The following ATXN2 variants were observed in gnomAD, a reference collection of about 807,000 sequenced individuals.
ATXN2 encodes ataxin-2.
ATXN2 carries 37 observed loss-of-function variants against 138.6 expected under a neutral mutation model. The observed-to-expected ratio is 0.27, with a 90% confidence interval of 0.21 to 0.35. The LOEUF is 0.35. Among genes scored for constraint, ATXN2 ranks in the 10% least tolerant of loss-of-function variants. ATXN2 has a pLI of 1.00. For synonymous variants in ATXN2, 549 were observed against 543.7 expected (o/e 1.01, Z -0.13); for missense variants, 1,216 against 1,480.3 (o/e 0.82, Z 2.93).
rs1464407125 is a variant in ATXN2 at position 111,525,052 on chromosome 12, C to A, written c.696+140G>T. On this transcript the variant is annotated intron_variant, in intron 6 of 24. Transcript: ENST00000673436. ...CTTTATATATTGCTTGGGAGAAAGT[C>A]TCTAGTTATACAACAAACCTGCTGC... The A allele has an allele frequency of 8.2e-6, 9 of 1,092,348 alleles. No individual in the cohort carries two copies. In the East Asian group the frequency reaches 2.4e-4, roughly 29 times the overall value. 67.7% of individuals were successfully genotyped at this position (1,092,348 alleles called of 1,614,324 possible).
chr12:111,555,790 G>A, intron 2 of ATXN2, 93 bp downstream of exon 2: 4 of 1,070,554 alleles, frequency 3.7e-6, no homozygotes, highest in Non-Finnish European at 5.5e-6. Context: ...AAATTCAAAA[G>A]AAGGGAATCT....
intron 1 of ATXN2, among the ~76,000 whole-genome samples, chr12:111,569,951 G>A (rs1335866752): frequency 1.3e-5 from 2 of 152,150 alleles, no homozygotes; most frequent in Middle Eastern, 3.2e-3. Context: ...CCTATGTCAT[G>A]CTGTCCAATA....
intron 1 of ATXN2, among the ~76,000 whole-genome samples, chr12:111,567,509 A>AG (rs1883078655): frequency 6.7e-6 from 1 of 148,874 alleles, no homozygotes; most frequent in East Asian, 2.0e-4. Context: ...CAAAAAAAAA[A>AG]AAGAACGTTC....
chr12:111,539,197 G>A (rs1881355180), intron 5 of ATXN2, among the ~76,000 whole-genome samples: 1 of 150,136 alleles, frequency 6.7e-6, no homozygotes, highest in Non-Finnish European at 1.5e-5. Flanking sequence ...TATGAAATTA[G>A]CCTAGGCCTG....
At chr12:111,519,180 T>A (rs1880022052) in intron 8 of ATXN2, among the ~76,000 whole-genome samples, 1 of 152,226 alleles carries the variant, frequency 6.6e-6, no homozygotes, top group Admixed American at 6.5e-5. Context: ...GTGCACTAAC[T>A]GTTCTCTGTG....
chr12:111,500,453 G>A (rs1333254331), intron 14 of ATXN2, among the ~76,000 whole-genome samples: 4 of 152,188 alleles, frequency 2.6e-5, no homozygotes, highest in Non-Finnish European at 5.9e-5. Context: ...GTTACCAGAA[G>A]TTGGGAAGGG....
chr12:111,453,101 A>C lies in ATXN2; in HGVS notation c.3440-261T>G. On this transcript the variant is annotated intron_variant, in intron 24 of 24. Transcript: ENST00000673436. The surrounding 1 kb of genome is among the most constrained non-coding windows in gnomAD (Gnocchi z 5.4). ...GGGGTAGAAAAAAAGGCCTTAACAA[A>C]CCCCCTCCCCAAATATTAGCCAAGC... 1.6e-6 allele frequency: 2 copies of C among 1,247,234 alleles called. No homozygotes were observed. The highest frequency in any genetic ancestry group is 2.0e-6 in the Non-Finnish European group (2 of 995,290). 77.3% of individuals were successfully genotyped at this position (1,247,234 alleles called of 1,614,324 possible).
intron 18 of ATXN2, among the ~76,000 whole-genome samples, chr12:111,474,285 A>T (rs1876635185): frequency 1.3e-5 from 2 of 152,072 alleles, no homozygotes; most frequent in African/African-American, 4.8e-5. Context: ...AGCACCTCCT[A>T]AAGTGCTGGC....
chr12:111,495,021 A>G (rs1878319980), intron 14 of ATXN2, among the ~76,000 whole-genome samples: 1 of 152,116 alleles, frequency 6.6e-6, no homozygotes, highest in Non-Finnish European at 1.5e-5. Flanking sequence ...GATTTAAAAA[A>G]AAGGCTGGGT....
At chr12:111,571,610 G>T (rs7972340) in intron 1 of ATXN2, among the ~76,000 whole-genome samples, 2 of 152,022 alleles carry the variant, frequency 1.3e-5, no homozygotes, top group African/African-American at 4.8e-5. Flanking sequence ...TCATATTTTT[G>T]AAGAGTTAAT....
chr12:111,483,129 T>C (rs555353393), intron 18 of ATXN2, among the ~76,000 whole-genome samples: 4 of 150,178 alleles, frequency 2.7e-5, no homozygotes, highest in Admixed American at 2.0e-4. Flanking sequence ...CAAGGCTGCA[T>C]TGAGCCATGA....
At chr12:111,562,140 A>C (rs1882726505) in intron 1 of ATXN2, among the ~76,000 whole-genome samples, 1 of 151,360 alleles carries the variant, frequency 6.6e-6, no homozygotes, top group Admixed American at 6.6e-5. Context: ...AAAAAAAAAG[A>C]AAATATGCAC....
intron 5 of ATXN2, among the ~76,000 whole-genome samples, chr12:111,548,495 TTAA>T (rs768004265): frequency 1.3e-5 from 2 of 152,204 alleles, no homozygotes; most frequent in Non-Finnish European, 2.9e-5. Context: ...ATTATCAACC[TTAA>T]TAATTTGACA....
chr12:111,488,699 T>C lies in ATXN2; in HGVS notation c.2017A>G (p.Lys673Glu). 1.2e-6 allele frequency: 2 copies of C among 1,612,440 alleles called. No homozygotes were observed. The highest frequency in any genetic ancestry group is 2.2e-5 in the South Asian group (2 of 90,890). ...TTAGCACTTGGTTCAATTTTGTCTT[T>C]GATCAAATCTCTTGATTTTTCTCCC... ...REGEKSRDLI[K>E]DKIEPSAKDS... The change falls in exon 15 of 25, where the codon AAA becomes GAA. Residue 673 changes from lysine to glutamate, a missense_variant. Around this residue, in one of 4 missense-constraint regions of ATXN2, gnomAD observed 490 missense variants for 653.5 expected, o/e 0.75. Coordinates refer to ENST00000673436, the MANE Select transcript of ATXN2 (RefSeq NM_001372574.1).
rs541962485 is a variant in ATXN2 at position 111,593,445 on chromosome 12, T to C, written c.251+5339A>G. Reference sequence around the variant, plus strand: ...ATATGGCTATTAAATAGCTACAATATGAGTTAACATCCCTTATGTAGAAGT... The same window carrying C: ...ATATGGCTATTAAATAGCTACAATACGAGTTAACATCCCTTATGTAGAAGT... On this transcript the variant is annotated intron_variant, in intron 1 of 24. Transcript: ENST00000673436. 9.1e-4 allele frequency among the ~76,000 whole-genome samples: 139 copies of C among 152,198 alleles called. 1 individual carries two copies. Among genetic ancestry groups the C allele is most frequent in the Non-Finnish European group, 1.8e-3 (123 of 68,010 alleles).
chr12:111,570,884 G>A (rs571121532), intron 1 of ATXN2, among the ~76,000 whole-genome samples: 124 of 152,278 alleles, frequency 8.1e-4, no homozygotes, highest in African/African-American at 2.9e-3. Context: ...TTAATGAAAC[G>A]CTAAACTGTA....
chr12:111,535,868 C>A (rs1393066150), intron 5 of ATXN2, among the ~76,000 whole-genome samples: 1 of 150,274 alleles, frequency 6.7e-6, no homozygotes, highest in Non-Finnish European at 1.5e-5. Flanking sequence ...GGCGTAGTGG[C>A]GGGCGCCTGT....
intron 23 of ATXN2, 137 bp downstream of exon 23, chr12:111,455,892 T>C: frequency 1.2e-6 from 1 of 835,236 alleles, no homozygotes; most frequent in South Asian, 1.5e-5. Context: ...CCAGATCACG[T>C]GTATTTGAGA....
chr12:111,586,449 G>A (rs1231068275), intron 1 of ATXN2, among the ~76,000 whole-genome samples: 5 of 134,802 alleles, frequency 3.7e-5, no homozygotes, highest in African/African-American at 1.1e-4. Context: ...GCAGTGGCCC[G>A]ATCTCGGCTC....
Sources: gnomAD v4.1 joint callset for allele counts (sites outside exome capture counted in the v4.1 genomes callset) on GRCh38, gnomAD v4.1.1 for gene constraint, gnomAD v4.1.1 regional missense constraint, Gnocchi (gnomAD v3.1) non-coding constraint, MANE v1.5 for transcripts, NCBI Gene and HGNC (gene_info 2026-07-23, HGNC 2026-07-21) for gene names.